COG4: variants seen among roughly 807,000 people sequenced by gnomAD.
The protein encoded by COG4 is component of oligomeric golgi complex 4, also known as conserved oligomeric Golgi complex subunit 4.
COG4 carries 65 observed loss-of-function variants against 95.1 expected under a neutral mutation model. The observed-to-expected ratio is 0.68, with a 90% confidence interval of 0.56 to 0.84. The LOEUF (loss-of-function observed/expected upper bound fraction) is 0.84. COG4 is among the 40% of genes least tolerant of loss of function. The probability of loss-of-function intolerance (pLI) is 0.00; values close to 1 mark genes in which losing one functional copy is unlikely to be tolerated. For missense variants in COG4, 1,045 were observed against 989.1 expected, an observed-to-expected ratio of 1.06 and a Z score of -0.76; for synonymous variants, 421 against 374.8, an observed-to-expected ratio of 1.12 and a Z score of -1.42.
chr16:70,520,756 T>G (rs2049925201), intron 1 of COG4, among the ~76,000 whole-genome samples: 1 of 152,200 alleles, frequency 6.6e-6, no homozygotes, highest in African/African-American at 2.4e-5. Context: ...AGCCAGGGGT[T>G]ATAAATATAA....
chr16:70,486,821 C>T (rs2151742407), intron 13 of COG4, among the ~76,000 whole-genome samples: 1 of 151,424 alleles, frequency 6.6e-6, no homozygotes, highest in South Asian at 2.1e-4. Context: ...ATGGTGAAAC[C>T]CTGTCTCTAC....
rs16970247 is a variant in COG4, at chr16:70,511,114, A to C, written c.739-1093T>G. On this transcript the variant is annotated intron_variant, in intron 5 of 18. Transcript: ENST00000323786. ...TTAGAATGAGTAAAATGCACACTTAAACATTCCAAAGGAACAAAGGAATAT... is the reference window on the plus strand; with the variant it reads ...TTAGAATGAGTAAAATGCACACTTACACATTCCAAAGGAACAAAGGAATAT... 6.4e-3 allele frequency among the ~76,000 whole-genome samples: 980 copies of C among 152,304 alleles called. 13 individuals carry two copies. Among genetic ancestry groups the C allele is most frequent in the African/African-American group, 0.022 (918 of 41,558 alleles).
chr16:70,499,320 GTCA>G (rs1251682014), intron 9 of COG4, among the ~76,000 whole-genome samples: 2 of 152,138 alleles, frequency 1.3e-5, no homozygotes, highest in African/African-American at 4.8e-5. Flanking sequence ...AATAGTGATA[GTCA>G]TCATTATTGC....
At chr16:70,518,119 C>T (rs565833914) in intron 2 of COG4, among the ~76,000 whole-genome samples, 2 of 151,770 alleles carry the variant, frequency 1.3e-5, no homozygotes, top group East Asian at 3.9e-4. Flanking sequence ...GTAGTAGAGA[C>T]GGGGTTTCAC....
At chr16:70,481,952 G>C (rs181626622) in intron 16 of COG4, 87 bp from the exon 17 acceptor site, 73 of 1,387,392 alleles carry the variant, frequency 5.3e-5, no homozygotes, top group Non-Finnish European at 7.3e-5. Context: ...ATAGTAGCGT[G>C]AGGCCACGGG....
chr16:70,505,384 A>G (rs375755182), intron 8 of COG4, among the ~76,000 whole-genome samples: 2 of 149,112 alleles, frequency 1.3e-5, no homozygotes, highest in Non-Finnish European at 3.0e-5. Context: ...TTTTTTTTTT[A>G]GTAGAGACAG....
At chr16:70,506,152 T>C (rs1237251036) in intron 8 of COG4, among the ~76,000 whole-genome samples, 1 of 151,840 alleles carries the variant, frequency 6.6e-6, no homozygotes, top group Non-Finnish European at 1.5e-5. Context: ...ATCCCAGCAT[T>C]TTGGGAGGCT....
intron 8 of COG4, among the ~76,000 whole-genome samples, chr16:70,507,337 A>G (rs927338173): frequency 2.0e-5 from 3 of 152,130 alleles, no homozygotes; most frequent in African/African-American, 7.2e-5. Flanking sequence ...CTATGTTTCT[A>G]TGGTACAGTA....
chr16:70,486,069 G>C (rs931936788), intron 13 of COG4, among the ~76,000 whole-genome samples: 3 of 150,764 alleles, frequency 2.0e-5, no homozygotes, highest in Admixed American at 2.0e-4. Context: ...CTAATTTTTT[G>C]TATTTTTAGT....
At chr16:70,520,306 G>A (rs1447938058) in intron 1 of COG4, among the ~76,000 whole-genome samples, 1 of 150,382 alleles carries the variant, frequency 6.6e-6, no homozygotes, top group Admixed American at 6.7e-5. Flanking sequence ...AGCCGGGTGT[G>A]GTGGCGGGCG....
chr16:70,495,197 C>G (rs947792968), intron 12 of COG4, among the ~76,000 whole-genome samples: 14 of 150,852 alleles, frequency 9.3e-5, no homozygotes, highest in African/African-American at 3.4e-4. Flanking sequence ...TCGAGACCAG[C>G]CTGGCCAACA....
chr16:70,496,553 C>T lies in COG4; in HGVS notation c.1482-122G>A, dbSNP rs183710443. 5.8e-4 allele frequency: 550 copies of T among 940,268 alleles called. 1 individual carries two copies. The highest frequency in any genetic ancestry group is 5.3e-4 in the South Asian group (38 of 71,642). 58.2% of individuals were successfully genotyped at this position (940,268 alleles called of 1,614,324 possible). On this transcript the variant is annotated intron_variant, in intron 11 of 18. Coordinates refer to ENST00000323786, the MANE Select transcript of COG4 (RefSeq NM_015386.3). ...TGCTCTTTTAGGGGGAATAACCAGT[C>T]CTTAAGACCACTGTAGGAGACCTGA...
intron 8 of COG4, among the ~76,000 whole-genome samples, chr16:70,503,485 T>A (rs2049494597): frequency 6.6e-6 from 1 of 152,252 alleles, no homozygotes; most frequent in African/African-American, 2.4e-5. Context: ...CTCTACTCTT[T>A]GAACTTCAGC....
chr16:70,481,129 C>A lies in COG4; in HGVS notation c.2251G>T (p.Asp751Tyr). 1 of 1,613,420 alleles carries A rather than the reference C, an allele frequency of 6.2e-7. No homozygotes were observed. Among genetic ancestry groups the A allele is most frequent in the Non-Finnish European group, 8.5e-7 (1 of 1,179,962 alleles). ...LNLERVTEIL[D>Y]YWGPNSGPLT... ...GGGCCGGAATTGGGTCCCCAGTAATCGAGGATCTCGGTCACCTGTGGGGAA... is the reference window on the plus strand; with the variant it reads ...GGGCCGGAATTGGGTCCCCAGTAATAGAGGATCTCGGTCACCTGTGGGGAA... The change falls in exon 19 of 19, where the codon GAT becomes TAT. Residue 751 changes from aspartate (D) to tyrosine (Y), a missense_variant. By Grantham distance (160) the Asp-to-Tyr change is radical. Coordinates refer to ENST00000323786, the MANE Select transcript of COG4 (RefSeq NM_015386.3).
intron 8 of COG4, among the ~76,000 whole-genome samples, chr16:70,503,426 T>G (rs8052125): frequency 0.57 from 86,345 of 152,016 alleles, 27,643 homozygotes; most frequent in African/African-American, 0.88. Context: ...ACAAGACTCT[T>G]AACAGCCTGA....
intron 12 of COG4, among the ~76,000 whole-genome samples, chr16:70,494,587 C>T (rs886579376): frequency 2.6e-5 from 4 of 152,052 alleles, no homozygotes; most frequent in Non-Finnish European, 5.9e-5. Context: ...ATGCACTGGC[C>T]GGTTTTGGAG....
rs768733863 is a variant in COG4 at position 70,509,993 on chromosome 16, A to G, written c.767T>C (p.Leu256Pro). ...QVASKAEENL[L>P]MVLGTDMSDR... ...ACTCATGTCTGTCCCCAGCACCATGAGCAGATTCTCCTCAGCTTTACTGGC... is the reference window on the plus strand; with the variant it reads ...ACTCATGTCTGTCCCCAGCACCATGGGCAGATTCTCCTCAGCTTTACTGGC... Residue 256 changes from leucine (L) to proline (P), a missense_variant, in exon 6 of 19, where the codon CTC becomes CCC. Leu to Pro is a moderately conservative substitution (Grantham distance 98). Coordinates refer to ENST00000323786, the MANE Select transcript of COG4 (RefSeq NM_015386.3). 1.5e-5 allele frequency: 24 copies of G among 1,613,928 alleles called. No individual in the cohort carries two copies. Among genetic ancestry groups the G allele is most frequent in the African/African-American group, 9.3e-5 (7 of 74,932 alleles).
At chr16:70,510,917 A>C (rs967304731) in intron 5 of COG4, among the ~76,000 whole-genome samples, 1 of 151,546 alleles carries the variant, frequency 6.6e-6, no homozygotes, top group African/African-American at 2.4e-5. Flanking sequence ...GCACCCGCCA[A>C]CATGCCCGGC....
chr16:70,509,944 A>G lies in COG4; in HGVS notation c.816T>C (p.Phe272=). ...DMSDRRAAVI[F]ADTLTLLFEG... ...CAAACAGAAGAGTAAGTGTATCTGC[A>G]AAGATGACTGCAGCTCTCCGATCAC... Residue 272 remains phenylalanine (F), a synonymous_variant, in exon 6 of 19, where the codon TTT becomes TTC. Coordinates refer to ENST00000323786, the MANE Select transcript of COG4 (RefSeq NM_015386.3). 1 of 1,613,980 alleles carries G rather than the reference A, an allele frequency of 6.2e-7. No individual in the cohort carries two copies. Among genetic ancestry groups the G allele is most frequent in the Non-Finnish European group, 8.5e-7 (1 of 1,179,880 alleles).
Sources: gnomAD v4.1 joint callset for allele counts (sites outside exome capture counted in the v4.1 genomes callset) on GRCh38, gnomAD v4.1.1 for gene constraint, MANE v1.5 for transcripts, NCBI Gene and HGNC (gene_info 2026-07-23, HGNC 2026-07-21) for gene names.